Variants in MINAR2 observed in about 807,000 individuals in gnomAD.
MINAR2 encodes the protein major intrinsically disordered NOTCH2-binding receptor 1-like.
Under a neutral mutation model 16.1 loss-of-function variants are expected in MINAR2, and 21 were observed. That is an observed-to-expected ratio of 1.31 (90% CI 0.93 to 1.88). The LOEUF (loss-of-function observed/expected upper bound fraction) is 1.88, where lower values mean the gene tolerates loss of function less well. MINAR2 is among the 40% of genes most tolerant of loss of function. MINAR2 has a pLI of 0.00. For missense variants in MINAR2, 259 were observed against 229.8 expected (o/e 1.13, Z -0.82); for synonymous variants, 86 against 83.0 (o/e 1.04, Z -0.20).
intron 1 of MINAR2, among the ~76,000 whole-genome samples, chr5:129,756,334 T>A (rs1467704007): frequency 6.6e-6 from 1 of 152,118 alleles, no homozygotes; most frequent in Non-Finnish European, 1.5e-5. Context: ...TTATTCTTTT[T>A]TTTTTCCATA....
chr5:129,762,737 G>GA (rs1043711525), intron 2 of MINAR2: 72 of 220,354 alleles, frequency 3.3e-4, no homozygotes, highest in South Asian at 5.3e-4. Context: ...TTGTTTCACT[G>GA]AAAAAAAAAT....
intron 2 of MINAR2, among the ~76,000 whole-genome samples, chr5:129,761,882 T>C (rs1434389864): frequency 6.6e-6 from 1 of 151,882 alleles, no homozygotes; most frequent in African/African-American, 2.4e-5. Context: ...ACAATAACTA[T>C]AGAACAAGAT....
intron 2 of MINAR2, 126 bp from the exon 3 acceptor site, chr5:129,764,758 C>CTT (rs539098498): frequency 2.6e-4 from 120 of 468,804 alleles, no homozygotes; most frequent in African/African-American, 2.2e-3. Flanking sequence ...ACATTGAAGC[C>CTT]TTGCCCAGGA....
Position 129,748,223 on chromosome 5 carries a change from T to A in MINAR2, c.33T>A (p.His11Gln). 6.5e-7 allele frequency: 1 copy of A among 1,535,176 alleles called. No homozygotes were observed. The highest frequency in any genetic ancestry group is 1.2e-5 in the South Asian group (1 of 84,042). MDLSVLPNNN[H>Q]PDKFLQLDVK... ...TCTCTGTTTTGCCAAATAACAACCA[T>A]CCTGACAAATTCCTGCAGCTTGACG... Residue 11 changes from histidine to glutamine, a missense_variant, in exon 1 of 3, where the codon CAT (histidine) becomes CAA (glutamine). Coordinates refer to ENST00000564719, the MANE Select transcript of MINAR2 (RefSeq NM_001257308.2).
intron 1 of MINAR2, among the ~76,000 whole-genome samples, chr5:129,759,924 T>C (rs1457467722): frequency 6.6e-6 from 1 of 152,154 alleles, no homozygotes; most frequent in Non-Finnish European, 1.5e-5. Flanking sequence ...ATAGTATTTG[T>C]GAAAGTCGAG....
intron 1 of MINAR2, among the ~76,000 whole-genome samples, chr5:129,750,706 T>C (rs1757975340): frequency 6.6e-6 from 1 of 152,242 alleles, no homozygotes; most frequent in Non-Finnish European, 1.5e-5. Flanking sequence ...TCAAAATGTA[T>C]TGAAGTTATC....
chr5:129,764,082 T>G (rs1489254651), intron 2 of MINAR2, among the ~76,000 whole-genome samples: 1 of 152,078 alleles, frequency 6.6e-6, no homozygotes, highest in Non-Finnish European at 1.5e-5. Context: ...AGAGATGTAA[T>G]AGGAAAAAAA....
chr5:129,755,182 C>T (rs1758039708), intron 1 of MINAR2, among the ~76,000 whole-genome samples: 1 of 151,962 alleles, frequency 6.6e-6, no homozygotes, highest in Admixed American at 6.6e-5. Context: ...TAACATCTTT[C>T]CCTGGTAAAA....
intron 1 of MINAR2, among the ~76,000 whole-genome samples, chr5:129,749,010 A>G (rs1757953350): frequency 6.6e-6 from 1 of 152,078 alleles, no homozygotes; most frequent in Admixed American, 6.6e-5. Context: ...TTTCTTTTGC[A>G]TTTTCCTTCT....
At chr5:129,760,662 C>A in intron 2 of MINAR2, 57 bp downstream of exon 2, 1 of 1,319,888 alleles carries the variant, frequency 7.6e-7, no homozygotes. Flanking sequence ...GTCAAATAAT[C>A]CTAAAAGAAA....
chr5:129,753,776 A>C (rs189621424), intron 1 of MINAR2, among the ~76,000 whole-genome samples: 16 of 149,344 alleles, frequency 1.1e-4, no homozygotes, highest in East Asian at 2.0e-4. Context: ...AGAGAGTGAG[A>C]GCGTCAGAGA....
At chr5:129,750,012 A>C (rs1045193371) in intron 1 of MINAR2, among the ~76,000 whole-genome samples, 11 of 152,202 alleles carry the variant, frequency 7.2e-5, no homozygotes, top group African/African-American at 2.7e-4. Context: ...TTTTAGCCTA[A>C]GAAGAAATGT....
intron 1 of MINAR2, among the ~76,000 whole-genome samples, chr5:129,758,022 C>G (rs1758077967): frequency 6.6e-6 from 1 of 151,930 alleles, no homozygotes; most frequent in South Asian, 2.1e-4. Context: ...TTCTATCTCA[C>G]TCTCTTTATT....
chr5:129,761,112 T>TAACAA (rs1180058351), intron 2 of MINAR2, among the ~76,000 whole-genome samples: 2 of 152,186 alleles, frequency 1.3e-5, no homozygotes, highest in Non-Finnish European at 2.9e-5. Flanking sequence ...TGTGTCTCAG[T>TAACAA]AACAAAACAA....
At chr5:129,760,719 G>T in intron 2 of MINAR2, 114 bp downstream of exon 2, 1 of 776,056 alleles carries the variant, frequency 1.3e-6, no homozygotes, top group Non-Finnish European at 2.0e-6. Context: ...AGAATCTCTA[G>T]ATTTCAGAGC....
At position 129,765,362 on chromosome 5, in the gene MINAR2, A is replaced by G. The variant is rs1361900590; in HGVS notation, c.*299A>G. On this transcript the variant is annotated 3_prime_UTR_variant, in exon 3 of 3. Coordinates refer to ENST00000564719, the MANE Select transcript of MINAR2 (RefSeq NM_001257308.2). ...TATGCAACCCACATTAAATATCTTT[A>G]TAGGGAGCAAACAGTATCAAAAATT... is the stretch of plus-strand genomic sequence containing the variant. 4.0e-6 allele frequency: 1 copy of G among 250,742 alleles called. No homozygotes were observed. The highest frequency in any genetic ancestry group is 2.2e-5 in the African/African-American group (1 of 45,304). 15.5% of individuals were successfully genotyped at this position (250,742 alleles called of 1,614,324 possible). A position where few individuals can be genotyped will look rare whatever the true frequency, so the allele number is the denominator to read the frequency against.
At chr5:129,761,460 C>A (rs1489681588) in intron 2 of MINAR2, among the ~76,000 whole-genome samples, 1 of 152,028 alleles carries the variant, frequency 6.6e-6, no homozygotes, top group East Asian at 1.9e-4. Context: ...CACCCTGTCT[C>A]CTTGAATCCT....
intron 1 of MINAR2, among the ~76,000 whole-genome samples, chr5:129,752,264 C>A (rs531069461): frequency 3.9e-5 from 6 of 152,284 alleles, no homozygotes; most frequent in African/African-American, 1.4e-4. Flanking sequence ...TATAAAGACA[C>A]ATACACATGT....
chr5:129,748,094 A>C lies in MINAR2; in HGVS notation c.-97A>C. The C allele has an allele frequency of 8.8e-7, 1 of 1,137,534 alleles. No homozygotes were observed. Among genetic ancestry groups the C allele is most frequent in the Admixed American group, 2.5e-5 (1 of 40,266 alleles). The allele number at this position is 1,137,534 out of a possible 1,614,324, so 70.5% of individuals were successfully genotyped here. A position where few individuals can be genotyped will look rare whatever the true frequency, so the allele number is the denominator to read the frequency against. ...GCGTGCAGCTGAGAGACTTGGTTTC[A>C]GATGCAGTCAGAGCATCCTCAGGCA... On this transcript the variant is annotated 5_prime_UTR_variant, in exon 1 of 3. Transcript: ENST00000564719.
Sources: gnomAD v4.1 joint callset for allele counts (sites outside exome capture counted in the v4.1 genomes callset) on GRCh38, gnomAD v4.1.1 for gene constraint, MANE v1.5 for transcripts, NCBI Gene and HGNC (gene_info 2026-07-23, HGNC 2026-07-21) for gene names.